LRPPRC: variants seen among roughly 807,000 people sequenced by gnomAD.
LRPPRC encodes the protein leucine-rich PPR motif-containing protein, mitochondrial.
Under a neutral mutation model 180.3 loss-of-function variants are expected in LRPPRC, and 120 were observed. The ratio of observed to expected loss-of-function variants is 0.67; its 90% CI spans 0.57 to 0.77. LRPPRC has a LOEUF of 0.77. Among genes scored for constraint, LRPPRC ranks in the 30% least tolerant of loss-of-function variants. The probability of loss-of-function intolerance (pLI) is 0.00; values close to 1 mark genes in which losing one functional copy is unlikely to be tolerated. For synonymous variants in LRPPRC, 723 were observed against 600.0 expected (o/e 1.21, Z -3.00); for missense variants, 2,012 against 1,657.2 (o/e 1.21, Z -3.72).
intron 27 of LRPPRC, among the ~76,000 whole-genome samples, chr2:43,919,450 A>G (rs915235732): frequency 4.6e-5 from 7 of 152,232 alleles, no homozygotes; most frequent in African/African-American, 1.7e-4. Flanking sequence ...TTGTGTTGAC[A>G]TGAAGAGTTT....
chr2:43,954,140 C>T (rs924776795), intron 14 of LRPPRC, among the ~76,000 whole-genome samples: 2 of 152,220 alleles, frequency 1.3e-5, no homozygotes, highest in African/African-American at 4.8e-5. Flanking sequence ...CAGTAACTAT[C>T]CAAGATCTTA....
intron 1 of LRPPRC, among the ~76,000 whole-genome samples, chr2:43,995,436 C>T (rs1201768792): frequency 1.3e-5 from 2 of 152,226 alleles, no homozygotes; most frequent in Admixed American, 6.5e-5. Flanking sequence ...GCACGTGGGA[C>T]ACCACCCAAG....
chr2:43,954,611 T>C (rs1207545404), intron 14 of LRPPRC, among the ~76,000 whole-genome samples: 1 of 152,204 alleles, frequency 6.6e-6, no homozygotes, highest in Non-Finnish European at 1.5e-5. Flanking sequence ...GTCTCTTTTT[T>C]ACATTCTAGC....
upstream of LRPPRC, among the ~76,000 whole-genome samples, chr2:43,996,188 C>T (rs1194346462): frequency 6.6e-6 from 1 of 152,330 alleles, no homozygotes; most frequent in East Asian, 1.9e-4. Context: ...TTTCCGTCTT[C>T]CGTCTCCGAT....
chr2:43,953,320 A>G (rs1672977618), intron 14 of LRPPRC, among the ~76,000 whole-genome samples: 1 of 152,252 alleles, frequency 6.6e-6, no homozygotes, highest in Admixed American at 6.5e-5. Flanking sequence ...CCAAGTTACC[A>G]CAACCTACGA....
At chr2:43,980,287 G>C (rs567885030) in intron 2 of LRPPRC, among the ~76,000 whole-genome samples, 1 of 152,028 alleles carries the variant, frequency 6.6e-6, no homozygotes, top group East Asian at 1.9e-4. Context: ...CAGTATAAAG[G>C]GCCAGGCGCG....
chr2:43,890,430 T>C (rs1457761643), intron 36 of LRPPRC: 7 of 448,778 alleles, frequency 1.6e-5, no homozygotes, highest in Admixed American at 5.1e-5. Flanking sequence ...AAAAAACCTA[T>C]AGGCCGGGCG....
chr2:43,898,724 C>T (rs1186232434), intron 34 of LRPPRC, among the ~76,000 whole-genome samples: 1 of 152,100 alleles, frequency 6.6e-6, no homozygotes, highest in Non-Finnish European at 1.5e-5. Flanking sequence ...ATATTCAACT[C>T]TTAATAAACC....
Position 43,911,818 on chromosome 2 carries a change from C to T in LRPPRC, c.3275+614G>A, listed in dbSNP as rs934206724. On this transcript the variant is annotated intron_variant, in intron 30 of 37. Coordinates refer to ENST00000260665, the MANE Select transcript of LRPPRC (RefSeq NM_133259.4). ...GTGGGATTACGGGCATGAGCCACCG[C>T]GCCCAGTCAGATTTCTTTTTTTTAA... Among the ~76,000 whole-genome samples the T allele has an allele frequency of 2.0e-4, 31 of 151,942 alleles. 1 individual carries two copies. Among genetic ancestry groups the T allele is most frequent in the Admixed American group, 1.6e-3 (24 of 15,254 alleles).
At chr2:43,931,073 G>A (rs975336367) in intron 25 of LRPPRC, among the ~76,000 whole-genome samples, 7 of 152,026 alleles carry the variant, frequency 4.6e-5, no homozygotes, top group African/African-American at 1.4e-4. Context: ...GTTAAATGAT[G>A]TATGAAATGT....
At chr2:43,891,407 T>A (rs1331229492) in intron 36 of LRPPRC, among the ~76,000 whole-genome samples, 4 of 152,252 alleles carry the variant, frequency 2.6e-5, no homozygotes, top group Non-Finnish European at 5.9e-5. Flanking sequence ...CTTGGGCAAG[T>A]CTATCAATGC....
At chr2:43,929,807 A>G (rs1280199723) in intron 25 of LRPPRC, among the ~76,000 whole-genome samples, 2 of 152,174 alleles carry the variant, frequency 1.3e-5, no homozygotes, top group East Asian at 3.9e-4. Context: ...AATATGGCTG[A>G]GCAAGTCCAA....
At chr2:43,916,746 G>C (rs1398463158) in intron 29 of LRPPRC, among the ~76,000 whole-genome samples, 1 of 151,922 alleles carries the variant, frequency 6.6e-6, no homozygotes, top group African/African-American at 2.4e-5. Flanking sequence ...TTGAGCTCAG[G>C]AGTTTAAGAC....
At chr2:43,963,772 G>T in intron 11 of LRPPRC, 66 bp from the exon 12 acceptor site, 2 of 881,716 alleles carry the variant, frequency 2.3e-6, no homozygotes, top group Non-Finnish European at 3.9e-6. Flanking sequence ...AGATCGGTAA[G>T]TTCAGTTCAA....
intron 11 of LRPPRC, among the ~76,000 whole-genome samples, chr2:43,966,737 T>C (rs1292239525): frequency 3.6e-5 from 5 of 140,542 alleles, no homozygotes; most frequent in Non-Finnish European, 7.6e-5. Flanking sequence ...GGTAACTAGC[T>C]AAAAAAAAAT....
chr2:43,929,673 C>A (rs567024969), intron 25 of LRPPRC, among the ~76,000 whole-genome samples: 57 of 152,134 alleles, frequency 3.7e-4, no homozygotes, highest in African/African-American at 1.3e-3. Flanking sequence ...TATATTTATC[C>A]CCATAGCTAG....
intron 14 of LRPPRC, among the ~76,000 whole-genome samples, chr2:43,957,141 CT>C (rs766819298): frequency 4.6e-5 from 7 of 152,158 alleles, no homozygotes; most frequent in Admixed American, 1.3e-4. Context: ...TGAAACAGGA[CT>C]TTCTTCCTGG....
At chr2:43,906,361 C>T (rs187133118) in intron 30 of LRPPRC, among the ~76,000 whole-genome samples, 1 of 152,266 alleles carries the variant, frequency 6.6e-6, no homozygotes, top group African/African-American at 2.4e-5. Context: ...TTTCACACAA[C>T]CATCTTGCCC....
Position 43,886,355 on chromosome 2 carries a change from T to C in LRPPRC, c.*2245A>G, listed in dbSNP as rs758080975. On this transcript the variant is annotated 3_prime_UTR_variant, in exon 38 of 38. Transcript: ENST00000260665. ...CAGTGACATCTTTTTTAGAATTAGC[T>C]GCTTATAATTTGAGTGTAAATGTAT... Among the ~76,000 whole-genome samples, 15 of 152,230 alleles carry C rather than the reference T, an allele frequency of 9.9e-5. No individual in the cohort carries two copies. The highest frequency in any genetic ancestry group is 2.2e-4 in the Non-Finnish European group (15 of 68,048).
Sources: allele counts gnomAD v4.1 joint callset (sites outside exome capture counted in the v4.1 genomes callset), GRCh38; gene constraint gnomAD v4.1.1; transcripts MANE v1.5; gene names NCBI Gene and HGNC (gene_info 2026-07-23, HGNC 2026-07-21).